MYLK: variants seen among roughly 807,000 people sequenced by gnomAD.
The protein encoded by MYLK is myosin light chain kinase, also known as myosin light chain kinase, smooth muscle.
MYLK carries 106 observed loss-of-function variants against 203.4 expected under a neutral mutation model. That is an observed-to-expected ratio of 0.52 (90% CI 0.45 to 0.61). The LOEUF (loss-of-function observed/expected upper bound fraction) is 0.61, where lower values mean the gene tolerates loss of function less well. Among genes scored for constraint, MYLK ranks in the 20% least tolerant of loss-of-function variants. MYLK has a pLI of 0.00. For synonymous variants in MYLK, 867 were observed against 959.5 expected, an observed-to-expected ratio of 0.90 and a Z score of 1.78; for missense variants, 2,072 against 2,442.3, an observed-to-expected ratio of 0.85 and a Z score of 3.20.
chr3:123,660,960 C>T (rs1196192782), intron 23 of MYLK, among the ~76,000 whole-genome samples: 1 of 152,202 alleles, frequency 6.6e-6, no homozygotes, highest in Admixed American at 6.5e-5. Flanking sequence ...CTGTATCCAT[C>T]AATGTGAGTC....
intron 2 of MYLK, among the ~76,000 whole-genome samples, chr3:123,859,484 C>T (rs1019837921): frequency 6.6e-6 from 1 of 152,218 alleles, no homozygotes; most frequent in Non-Finnish European, 1.5e-5. Flanking sequence ...AGTTTAAGTC[C>T]TTCCAGACAT....
intron 2 of MYLK, among the ~76,000 whole-genome samples, chr3:123,837,505 T>A (rs1030078563): frequency 1.4e-5 from 2 of 147,600 alleles, no homozygotes; most frequent in African/African-American, 2.5e-5. Context: ...TTATATATAT[T>A]ACATATAATA....
chr3:123,866,499 T>C (rs372975726), intron 2 of MYLK, among the ~76,000 whole-genome samples: 3 of 152,046 alleles, frequency 2.0e-5, no homozygotes, highest in African/African-American at 7.3e-5. Context: ...AAACAGACAA[T>C]TAGTGAGGAA....
intron 16 of MYLK, 90 bp from the exon 17 acceptor site, chr3:123,701,599 C>A (rs567188469): frequency 1.6e-5 from 22 of 1,380,650 alleles, no homozygotes; most frequent in Non-Finnish European, 2.3e-5. Context: ...TGCTGGCCAG[C>A]GGGGAAGATG....
Position 123,679,080 on chromosome 3 carries a change from G to C in MYLK, c.3652+3144C>G, listed in dbSNP as rs529603638. On this transcript the variant is annotated intron_variant, in intron 20 of 33. Transcript: ENST00000360304. The stretch of plus-strand genomic sequence containing the variant: ...TCCCAGCACTTTGGGAGGCTGAGGC[G>C]GGCGGATCACGAGGTCAAGAGATCG... Among the ~76,000 whole-genome samples, 9 of 152,174 alleles carry C rather than the reference G, an allele frequency of 5.9e-5. No individual in the cohort carries two copies. The East Asian group carries it at 1.7e-3, about 30-fold the overall frequency.
chr3:123,717,543 C>T (rs1388603516), intron 13 of MYLK, among the ~76,000 whole-genome samples: 3 of 152,154 alleles, frequency 2.0e-5, no homozygotes, highest in Non-Finnish European at 4.4e-5. Context: ...GCACAACTGG[C>T]AGGCTATTAA....
chr3:123,879,027 T>C (rs116652184), intron 1 of MYLK, among the ~76,000 whole-genome samples: 108 of 152,238 alleles, frequency 7.1e-4, no homozygotes, highest in African/African-American at 2.5e-3. Context: ...TTCAGTCCAA[T>C]GCAAAGGTCA....
chr3:123,812,839 A>G (rs185165904), intron 3 of MYLK, among the ~76,000 whole-genome samples: 6 of 152,300 alleles, frequency 3.9e-5, no homozygotes, highest in Non-Finnish European at 5.9e-5. Context: ...CCTGTTTCGC[A>G]GTGCTCCCAA....
chr3:123,670,563 T>C (rs957793451), intron 20 of MYLK, among the ~76,000 whole-genome samples: 2 of 152,092 alleles, frequency 1.3e-5, no homozygotes, highest in Admixed American at 1.3e-4. Flanking sequence ...GAGACTAACC[T>C]GGGCAACACG....
chr3:123,784,077 G>A (rs1410769023), intron 4 of MYLK, among the ~76,000 whole-genome samples: 2 of 152,190 alleles, frequency 1.3e-5, no homozygotes, highest in Non-Finnish European at 2.9e-5. Context: ...TATAGACTTG[G>A]CTAGGAGAAA....
intron 24 of MYLK, among the ~76,000 whole-genome samples, chr3:123,654,961 A>G (rs1279428466): frequency 6.6e-6 from 1 of 151,750 alleles, no homozygotes; most frequent in African/African-American, 2.4e-5. Flanking sequence ...CAGGCGATCC[A>G]CCCGCTTCAG....
chr3:123,852,757 A>G (rs1028762193), intron 2 of MYLK, among the ~76,000 whole-genome samples: 4 of 152,154 alleles, frequency 2.6e-5, no homozygotes, highest in African/African-American at 4.8e-5. Flanking sequence ...CAGAATTTCG[A>G]AAGTGTCATT....
At chr3:123,690,554 C>T (rs1283816373) in intron 19 of MYLK, among the ~76,000 whole-genome samples, 3 of 152,116 alleles carry the variant, frequency 2.0e-5, no homozygotes, top group Non-Finnish European at 4.4e-5. Context: ...GATAGAAAGG[C>T]GACAGGGGAG....
chr3:123,865,196 T>C (rs1440956374), intron 2 of MYLK, among the ~76,000 whole-genome samples: 1 of 152,210 alleles, frequency 6.6e-6, no homozygotes, highest in Non-Finnish European at 1.5e-5. Context: ...ATAATATCCA[T>C]ACTCAGTGTC....
In MYLK at chr3:123,862,828, C is replaced by T. The variant is rs370536423; in HGVS notation, c.-127+13731G>A. 9.3e-4 allele frequency among the ~76,000 whole-genome samples: 141 copies of T among 152,204 alleles called. 1 individual carries two copies. The highest frequency in any genetic ancestry group is 7.3e-3 in the South Asian group (35 of 4,814). Reference sequence around the variant, plus strand: ...CCCTACTTGTTCTTCCAAGTTTTTCCGTCTTTTTTCTATCTTCTCCCCACT... The same window carrying T: ...CCCTACTTGTTCTTCCAAGTTTTTCTGTCTTTTTTCTATCTTCTCCCCACT... On this transcript the variant is annotated intron_variant, in intron 2 of 33. Transcript: ENST00000360304.
chr3:123,809,993 C>A (rs2065501449), intron 3 of MYLK, among the ~76,000 whole-genome samples: 1 of 152,190 alleles, frequency 6.6e-6, no homozygotes, highest in South Asian at 2.1e-4. Context: ...TGGGACTCTC[C>A]TGACTATTTC....
At chr3:123,841,056 C>T (rs1441433820) in intron 2 of MYLK, among the ~76,000 whole-genome samples, 2 of 152,072 alleles carry the variant, frequency 1.3e-5, no homozygotes, top group African/African-American at 2.4e-5. Context: ...TATGCTGTTC[C>T]AGAAAGAGCT....
At chr3:123,800,793 T>G (rs1292725801) in intron 3 of MYLK, among the ~76,000 whole-genome samples, 1 of 152,194 alleles carries the variant, frequency 6.6e-6, no homozygotes, top group Admixed American at 6.5e-5. Context: ...GAGCTGGTAT[T>G]CTTTTAACAC....
intron 20 of MYLK, among the ~76,000 whole-genome samples, chr3:123,675,353 C>T (rs978530763): frequency 3.3e-5 from 5 of 152,162 alleles, no homozygotes; most frequent in Non-Finnish European, 7.3e-5. Flanking sequence ...TCCAGCTGAC[C>T]CAAGCCCTAA....
Sources: gnomAD v4.1 joint callset for allele counts (sites outside exome capture counted in the v4.1 genomes callset) on GRCh38, gnomAD v4.1.1 for gene constraint, MANE v1.5 for transcripts, NCBI Gene and HGNC (gene_info 2026-07-23, HGNC 2026-07-21) for gene names.